The following MYO9B variants were observed in gnomAD, a reference collection of about 807,000 sequenced individuals.
The protein encoded by MYO9B is unconventional myosin-IXb.
MYO9B carries 71 observed loss-of-function variants against 229.5 expected under a neutral mutation model. The observed-to-expected ratio is 0.31, with a 90% confidence interval of 0.26 to 0.38. The LOEUF (loss-of-function observed/expected upper bound fraction) is 0.38. Among genes scored for constraint, MYO9B ranks in the 10% least tolerant of loss-of-function variants. The pLI, the probability that MYO9B is intolerant of heterozygous loss-of-function variation, is 1.00. For missense variants in MYO9B, 2,255 were observed against 2,920.5 expected, an observed-to-expected ratio of 0.77 and a Z score of 5.25; for synonymous variants, 1,185 against 1,235.8, an observed-to-expected ratio of 0.96 and a Z score of 0.86.
intron 2 of MYO9B, among the ~76,000 whole-genome samples, chr19:17,135,363 G>A (rs1424254299): frequency 6.6e-6 from 1 of 151,880 alleles, no homozygotes; most frequent in Non-Finnish European, 1.5e-5. Context: ...CATGGCATCC[G>A]CCTTCCCGGT....
At position 17,200,836 on chromosome 19, in the gene MYO9B, T is replaced by TCC. The variant is rs755788929; in HGVS notation, c.4563+8_4563+9insCC. The stretch of plus-strand genomic sequence containing the variant: ...CGAGTTCCTGCTCAACAAGGTGGGA[T>TCC]CACTAGGCGAGGGCCAGGGGCATGA... On this transcript the variant is annotated splice_region_variant and intron_variant, in intron 26 of 39. Coordinates refer to ENST00000682292, the MANE Select transcript of MYO9B (RefSeq NM_004145.4). 7 of 1,612,506 alleles carry TCC rather than the reference T, an allele frequency of 4.3e-6. No individual in the cohort carries two copies. Among genetic ancestry groups the TCC allele is most frequent in the Non-Finnish European group, 4.2e-6 (5 of 1,178,682 alleles).
chr19:17,181,129 T>C, intron 15 of MYO9B, 89 bp downstream of exon 15: 3 of 874,594 alleles, frequency 3.4e-6, no homozygotes, highest in Non-Finnish European at 5.3e-6. Flanking sequence ...GTCTTCCTAA[T>C]TTGCATCGGC....
chr19:17,094,543 T>G (rs1420642346), intron 1 of MYO9B, among the ~76,000 whole-genome samples: 4 of 152,200 alleles, frequency 2.6e-5, no homozygotes. Flanking sequence ...TCTTCATAGG[T>G]CAATTTGCAT....
intron 2 of MYO9B, among the ~76,000 whole-genome samples, chr19:17,141,052 C>T (rs565665836): frequency 1.3e-5 from 2 of 150,338 alleles, no homozygotes; most frequent in Admixed American, 6.6e-5. Context: ...TGCAGTGAGC[C>T]GAGATCACAC....
At chr19:17,122,866 C>T (rs1206992867) in intron 2 of MYO9B, among the ~76,000 whole-genome samples, 1 of 152,164 alleles carries the variant, frequency 6.6e-6, no homozygotes, top group African/African-American at 2.4e-5. Context: ...GAGGCCAAGG[C>T]AGGAAGCTCA....
rs915012895 is a variant in MYO9B at position 17,172,565 on chromosome 19, G to A, written c.1935+88G>A. On this transcript the variant is annotated intron_variant, in intron 12 of 39. Coordinates refer to ENST00000682292, the MANE Select transcript of MYO9B (RefSeq NM_004145.4). The surrounding 1 kb of genome is among the most constrained non-coding windows in gnomAD (Gnocchi z 8.2). ...CATGTGGGAGGATCCTCCTGTGGGC[G>A]AGGTTCCAGGGTGCTCAGAACCCAC... 165 of 1,552,080 alleles carry A rather than the reference G, an allele frequency of 1.1e-4. No individual in the cohort carries two copies. The highest frequency in any genetic ancestry group is 1.8e-4 in the Middle Eastern group (1 of 5,526).
At position 17,101,732 on chromosome 19, in the gene MYO9B, G is replaced by A. The variant is rs1396123630; in HGVS notation, c.15G>A (p.Glu5=). Residue 5 remains glutamate (E), a synonymous_variant, in exon 2 of 40, where the codon GAG becomes GAA. Coordinates refer to ENST00000682292, the MANE Select transcript of MYO9B (RefSeq NM_004145.4). The surrounding 1 kb of genome is among the most constrained non-coding windows in gnomAD (Gnocchi z 4.7). MSVK[E]AGSSGRREQA... is the part of the protein sequence containing the mutation. The stretch of plus-strand genomic sequence containing the variant: ...CGGCCGGCAGGATGAGTGTGAAAGA[G>A]GCAGGCAGCTCGGGCCGCCGGGAGC... 7 of 1,581,884 alleles carry A rather than the reference G, an allele frequency of 4.4e-6. No individual in the cohort carries two copies. The highest frequency in any genetic ancestry group is 1.7e-4 in the Middle Eastern group (1 of 6,042).
chr19:17,174,294 G>A (rs951790560), intron 13 of MYO9B, among the ~76,000 whole-genome samples: 23 of 151,926 alleles, frequency 1.5e-4, no homozygotes, highest in Middle Eastern at 3.4e-3. Context: ...GCCTCCCAGA[G>A]TGCTGGGATT....
At chr19:17,146,981 C>G (rs1180886450) in intron 3 of MYO9B, among the ~76,000 whole-genome samples, 1 of 152,242 alleles carries the variant, frequency 6.6e-6, no homozygotes, top group Non-Finnish European at 1.5e-5. Flanking sequence ...CCTTCCGCCT[C>G]TAGCTTCATT....
At chr19:17,153,047 C>T (rs1226308628) in intron 4 of MYO9B, among the ~76,000 whole-genome samples, 2 of 152,146 alleles carry the variant, frequency 1.3e-5, no homozygotes, top group Non-Finnish European at 2.9e-5. Context: ...GAGGCCTAGG[C>T]GGGAGGATCG....
chr19:17,182,819 T>A (rs1370010643), intron 15 of MYO9B, among the ~76,000 whole-genome samples: 1 of 152,022 alleles, frequency 6.6e-6, no homozygotes, highest in East Asian at 1.9e-4. Context: ...ATAAATATAT[T>A]TACTTATTTA....
intron 2 of MYO9B, among the ~76,000 whole-genome samples, chr19:17,128,085 C>G (rs1455968293): frequency 1.3e-5 from 2 of 152,046 alleles, no homozygotes; most frequent in African/African-American, 4.8e-5. Flanking sequence ...GCAGAAGTAG[C>G]CTGCAACCTG....
At chr19:17,103,280 G>A (rs1027838097) in intron 2 of MYO9B, 2 of 152,190 alleles carry the variant, frequency 1.3e-5, no homozygotes, top group African/African-American at 2.4e-5. Context: ...AACTGGTCAG[G>A]ATGCAACTGC....
intron 1 of MYO9B, among the ~76,000 whole-genome samples, chr19:17,096,258 C>T (rs928531640): frequency 5.9e-5 from 9 of 152,162 alleles, no homozygotes; most frequent in Non-Finnish European, 1.2e-4. Flanking sequence ...AGAAGTTACA[C>T]GTCTCTGTCT....
intron 7 of MYO9B, among the ~76,000 whole-genome samples, chr19:17,159,079 A>G (rs888580542): frequency 1.3e-5 from 2 of 152,062 alleles, no homozygotes; most frequent in African/African-American, 2.4e-5. Flanking sequence ...CTGTAATCCC[A>G]ATTACTGGGG....
rs758376904 is a variant in MYO9B at position 17,202,802 on chromosome 19, AG to A, written c.4837-34del. 281 of 1,560,368 alleles carry A rather than the reference AG, an allele frequency of 1.8e-4. 1 individual carries two copies. The Middle Eastern group carries it at 1.8e-3, about 10-fold the overall frequency. On this transcript the variant is annotated intron_variant, in intron 28 of 39. Transcript: ENST00000682292. ...CCAGGGGTGGGTTGGGGCTCTTCCC[AG>A]GGGGGCCCCCGCCAACCTCCTCCTT...
chr19:17,140,641 AC>A (rs1256313902), intron 2 of MYO9B, among the ~76,000 whole-genome samples: 2 of 151,836 alleles, frequency 1.3e-5, no homozygotes, highest in Non-Finnish European at 2.9e-5. Flanking sequence ...GGCATGTACC[AC>A]CATGCCCGGC....
chr19:17,185,810 C>T, intron 17 of MYO9B, 111 bp from the exon 18 acceptor site: 4 of 814,290 alleles, frequency 4.9e-6, no homozygotes, highest in Admixed American at 2.1e-5. Context: ...CACATCTGTG[C>T]AGACCCCATC....
At chr19:17,133,488 G>A (rs987956479) in intron 2 of MYO9B, among the ~76,000 whole-genome samples, 41 of 152,074 alleles carry the variant, frequency 2.7e-4, no homozygotes, top group Admixed American at 4.6e-4. Flanking sequence ...ACAGGGTCTC[G>A]CTCTGTCACC....
Sources: allele counts gnomAD v4.1 joint callset (sites outside exome capture counted in the v4.1 genomes callset), GRCh38; gene constraint gnomAD v4.1.1; non-coding constraint Gnocchi (gnomAD v3.1); transcripts MANE v1.5; gene names NCBI Gene and HGNC (gene_info 2026-07-23, HGNC 2026-07-21).